Variants in SORCS2 observed in about 807,000 individuals in gnomAD.
SORCS2 encodes sortilin related VPS10 domain containing receptor 2.
A neutral mutation model predicts 141.6 loss-of-function variants in SORCS2; 100 were observed. The ratio of observed to expected loss-of-function variants is 0.71; its 90% CI spans 0.60 to 0.83. The LOEUF is 0.83. Among genes scored for constraint, SORCS2 ranks in the 40% least tolerant of loss-of-function variants. The pLI is 0.00. For missense variants in SORCS2, 1,646 were observed against 1,560.2 expected (o/e 1.05, Z -0.93); for synonymous variants, 789 against 676.9 (o/e 1.17, Z -2.57).
At chr4:7,719,227 G>C (rs140873065) in intron 18 of SORCS2, among the ~76,000 whole-genome samples, 283 of 152,360 alleles carry the variant, frequency 1.9e-3, no homozygotes, top group Middle Eastern at 3.4e-3. Flanking sequence ...GGTGACAAAG[G>C]TCTTTGGAGT....
At chr4:7,579,475 C>G (rs1052352001) in intron 3 of SORCS2, among the ~76,000 whole-genome samples, 2 of 152,088 alleles carry the variant, frequency 1.3e-5, no homozygotes, top group Non-Finnish European at 2.9e-5. Context: ...CTGATTCTCC[C>G]CCAAGATTCC....
intron 5 of SORCS2, among the ~76,000 whole-genome samples, chr4:7,659,217 G>A (rs1466302259): frequency 6.6e-6 from 1 of 151,698 alleles, no homozygotes; most frequent in Non-Finnish European, 1.5e-5. Context: ...TCTGGGAGAT[G>A]GGATGCGGTG....
chr4:7,592,118 T>C (rs1716958789), intron 3 of SORCS2, among the ~76,000 whole-genome samples: 1 of 152,200 alleles, frequency 6.6e-6, no homozygotes, highest in South Asian at 2.1e-4. Flanking sequence ...AAGATACGCT[T>C]CGAGTTTGGC....
In SORCS2 at chr4:7,261,281, G is replaced by A. The variant is rs144456421; in HGVS notation, c.480+68155G>A. 2.2e-4 allele frequency among the ~76,000 whole-genome samples: 33 copies of A among 152,320 alleles called. No homozygotes were observed. The East Asian group carries it at 6.4e-3, about 29-fold the overall frequency. On this transcript the variant is annotated intron_variant, in intron 1 of 26. Coordinates refer to ENST00000507866, the MANE Select transcript of SORCS2 (RefSeq NM_020777.3). ...GGTGATTCTCTCGAGAGAATTTGGA[G>A]ACCCTTCAAAGGGAAGAGACGGGTC...
chr4:7,375,522 C>T (rs752618212), intron 1 of SORCS2, among the ~76,000 whole-genome samples: 14 of 152,120 alleles, frequency 9.2e-5, no homozygotes, highest in East Asian at 3.9e-4. Flanking sequence ...CCTTTTCTCA[C>T]GCATGTCCAG....
chr4:7,733,991 T>TGGCAGGGACAGGCAGGGGATA (rs377525162), intron 24 of SORCS2, among the ~76,000 whole-genome samples: 4 of 151,072 alleles, frequency 2.6e-5, no homozygotes, highest in East Asian at 2.0e-4. Context: ...AAGGAGGCTG[T>TGGCAGGGACAGGCAGGGGATA]GGCAGGGACA....
At chr4:7,629,401 C>T (rs544353036) in intron 3 of SORCS2, among the ~76,000 whole-genome samples, 1 of 152,238 alleles carries the variant, frequency 6.6e-6, no homozygotes, top group Admixed American at 6.5e-5. Context: ...GTGGAACAAA[C>T]ATGGGTGTGA....
At chr4:7,633,469 C>A (rs1560441847) in intron 3 of SORCS2, among the ~76,000 whole-genome samples, 2 of 152,330 alleles carry the variant, frequency 1.3e-5, no homozygotes, top group East Asian at 3.9e-4. Context: ...TCCTACCTGC[C>A]TTTGTACCTG....
chr4:7,417,252 C>G (rs1454606096), intron 2 of SORCS2, among the ~76,000 whole-genome samples: 2 of 152,070 alleles, frequency 1.3e-5, no homozygotes, highest in Non-Finnish European at 2.9e-5. Flanking sequence ...GGATGATGCT[C>G]TTTTTATAAG....
chr4:7,725,340 C>A, intron 20 of SORCS2, 53 bp downstream of exon 20: 17 of 1,579,322 alleles, frequency 1.1e-5, no homozygotes, highest in Non-Finnish European at 1.5e-5. Flanking sequence ...TCCCCACAAG[C>A]TGCACAGTGG....
chr4:7,244,193 G>A (rs1390657157), intron 1 of SORCS2, among the ~76,000 whole-genome samples: 2 of 152,188 alleles, frequency 1.3e-5, no homozygotes, highest in Non-Finnish European at 2.9e-5. Context: ...GCCAATCTCC[G>A]TTCTTGGAGC....
At position 7,525,779 on chromosome 4, in the gene SORCS2, G is replaced by C. The variant is rs553380726; in HGVS notation, c.549-5751G>C. ...CTCCTGCAATCACCTGTCCCCTCCT[G>C]CAGTCACCTGTCCCCTCCTCATACC... On this transcript the variant is annotated intron_variant, in intron 2 of 26. Coordinates refer to ENST00000507866, the MANE Select transcript of SORCS2 (RefSeq NM_020777.3). Among the ~76,000 whole-genome samples, 8 of 84,474 alleles carry C rather than the reference G, an allele frequency of 9.5e-5. No homozygotes were observed. The East Asian group carries it at 2.3e-3, about 24-fold the overall frequency. The allele number at this position is 84,474 out of a possible 152,430, so 55.4% of individuals were successfully genotyped here. A position where few individuals can be genotyped will look rare whatever the true frequency, so the allele number is the denominator to read the frequency against.
intron 16 of SORCS2, among the ~76,000 whole-genome samples, 175 bp from the exon 17 acceptor site, chr4:7,715,008 T>C (rs927470556): frequency 6.6e-6 from 1 of 152,178 alleles, no homozygotes; most frequent in Non-Finnish European, 1.5e-5. Flanking sequence ...CTTGTTACCC[T>C]GTGTGCCCAT....
At chr4:7,714,499 C>G in intron 16 of SORCS2, 126 bp downstream of exon 16, 1 of 1,027,388 alleles carries the variant, frequency 9.7e-7, no homozygotes, top group East Asian at 2.6e-5. Flanking sequence ...GTCACAGTCG[C>G]ACACTGCCAC....
chr4:7,428,140 T>G (rs1384271457), intron 2 of SORCS2, among the ~76,000 whole-genome samples: 2 of 152,160 alleles, frequency 1.3e-5, no homozygotes, highest in African/African-American at 4.8e-5. Flanking sequence ...GAGGACAACC[T>G]TGTTTTGCAC....
At chr4:7,436,186 T>G (rs1424065347) in intron 2 of SORCS2, among the ~76,000 whole-genome samples, 1 of 152,204 alleles carries the variant, frequency 6.6e-6, no homozygotes, top group African/African-American at 2.4e-5. Flanking sequence ...AGCCTGGGTG[T>G]GCTCAGCTGC....
intron 8 of SORCS2, 111 bp downstream of exon 8, chr4:7,667,324 A>G: frequency 1.0e-6 from 1 of 973,104 alleles, no homozygotes; most frequent in Non-Finnish European, 1.6e-6. Context: ...GTCAGGATGG[A>G]CAAGAACAGT....
At chr4:7,705,037 C>G (rs1331463150) in intron 14 of SORCS2, among the ~76,000 whole-genome samples, 1 of 151,896 alleles carries the variant, frequency 6.6e-6, no homozygotes, top group Non-Finnish European at 1.5e-5. Flanking sequence ...TTTCCCGGAA[C>G]CATGAATGGG....
chr4:7,401,268 TAGAC>T (rs547153100), intron 2 of SORCS2, among the ~76,000 whole-genome samples: 7 of 151,832 alleles, frequency 4.6e-5, no homozygotes, highest in Non-Finnish European at 1.0e-4. Context: ...GATGGATGGA[TAGAC>T]AGATGAATGG....
Sources: allele counts gnomAD v4.1 joint callset (sites outside exome capture counted in the v4.1 genomes callset), GRCh38; gene constraint gnomAD v4.1.1; transcripts MANE v1.5; gene names NCBI Gene and HGNC (gene_info 2026-07-23, HGNC 2026-07-21).